Variants in ZFP90 observed in about 807,000 individuals in gnomAD.
The protein encoded by ZFP90 is ZFP90 zinc finger protein.
Under a neutral mutation model 60.8 loss-of-function variants are expected in ZFP90, and 38 were observed. That is an observed-to-expected ratio of 0.62 (90% CI 0.48 to 0.82). The LOEUF is 0.82. Among genes scored for constraint, ZFP90 ranks in the 40% least tolerant of loss-of-function variants. The pLI, the probability that ZFP90 is intolerant of heterozygous loss-of-function variation, is 0.00. For missense variants in ZFP90, 711 were observed against 759.1 expected (o/e 0.94, Z 0.74); for synonymous variants, 287 against 264.8 (o/e 1.08, Z -0.82).
chr16:68,561,775 A>T (rs893109236), intron 4 of ZFP90, among the ~76,000 whole-genome samples: 4 of 152,222 alleles, frequency 2.6e-5, no homozygotes, highest in Non-Finnish European at 4.4e-5. Flanking sequence ...AACAATTCTT[A>T]AAAAAATTAC....
chr16:68,537,745 T>C (rs1645981), upstream of ZFP90, among the ~76,000 whole-genome samples: 116,439 of 151,922 alleles, frequency 0.77, 44,716 homozygotes, highest in East Asian at 0.82. Flanking sequence ...TTTGTATTTT[T>C]TGTAGAGACA....
In ZFP90 at chr16:68,566,510, A is replaced by G. The variant is rs2091530383; in HGVS notation, c.*1812A>G. 2 of 985,444 alleles carry G rather than the reference A, an allele frequency of 2.0e-6. No individual in the cohort carries two copies. Among genetic ancestry groups the G allele is most frequent in the South Asian group, 4.7e-5 (1 of 21,290 alleles). The allele number at this position is 985,444 out of a possible 1,614,324, so 61.0% of individuals were successfully genotyped here. ...AGTATTCTTCATTCTTTGCAGGGAA[A>G]AAATTGTGCATGGGGGCTGAAATGT... On this transcript the variant is annotated 3_prime_UTR_variant, in exon 5 of 5. Transcript: ENST00000563169.
Position 68,558,501 on chromosome 16 carries a change from C to A in ZFP90, c.189C>A (p.Ile63=). 6.2e-7 allele frequency: 1 copy of A among 1,613,916 alleles called. No individual in the cohort carries two copies. The highest frequency in any genetic ancestry group is 8.5e-7 in the Non-Finnish European group (1 of 1,180,010). The part of the protein sequence containing the change: ...LGYQVSKPEV[I]FKLEQGEEPW... The stretch of plus-strand genomic sequence containing the variant: ...ATCAAGTTTCCAAGCCAGAGGTGAT[C>A]TTCAAATTGGAGCAAGGAGAAGAGC... Residue 63 remains isoleucine (I), a synonymous_variant, in exon 4 of 5, where the codon ATC becomes ATA. Coordinates refer to ENST00000563169, the MANE Select transcript of ZFP90 (RefSeq NM_001305203.2).
chr16:68,550,607 T>G (rs2091244123), intron 2 of ZFP90, among the ~76,000 whole-genome samples: 1 of 152,238 alleles, frequency 6.6e-6, no homozygotes, highest in Non-Finnish European at 1.5e-5. Context: ...ATTGCAAGTG[T>G]GACTTTTAAG....
intron 2 of ZFP90, among the ~76,000 whole-genome samples, chr16:68,550,919 C>G (rs2091248662): frequency 6.6e-6 from 1 of 152,178 alleles, no homozygotes; most frequent in South Asian, 2.1e-4. Context: ...GGTTTCCAGT[C>G]TTCAATACTG....
chr16:68,547,030 TA>T (rs1185892117), intron 2 of ZFP90, among the ~76,000 whole-genome samples: 1 of 152,244 alleles, frequency 6.6e-6, no homozygotes. Flanking sequence ...CTATTGTGAA[TA>T]ATGCTGCTAT....
Position 68,553,925 on chromosome 16 carries a change from GTC to G in ZFP90, c.34-4071_34-4070del, listed in dbSNP as rs930015207. Among the ~76,000 whole-genome samples the G allele has an allele frequency of 6.6e-5, 10 of 152,142 alleles. 1 individual carries two copies. Among genetic ancestry groups the G allele is most frequent in the African/African-American group, 2.4e-4 (10 of 41,430 alleles). On this transcript the variant is annotated intron_variant, in intron 2 of 4. Transcript: ENST00000563169. ...CAGGTGTGAGCCACCATGCCCAGCA[GTC>G]TGGCAGATTTTAACAAGATCTCTCT...
At chr16:68,568,827 C>T (rs1387206393), downstream of ZFP90, among the ~76,000 whole-genome samples, 1 of 152,040 alleles carries the variant, frequency 6.6e-6, no homozygotes, top group African/African-American at 2.4e-5. Context: ...CACAGGTGTG[C>T]ACCACCACAC....
chr16:68,553,619 T>C (rs2091295210), intron 2 of ZFP90, among the ~76,000 whole-genome samples: 1 of 151,920 alleles, frequency 6.6e-6, no homozygotes, highest in Non-Finnish European at 1.5e-5. Flanking sequence ...AGATTTTTGT[T>C]TTGTTTTGTT....
At chr16:68,555,761 A>G (rs2091333258) in intron 2 of ZFP90, among the ~76,000 whole-genome samples, 1 of 152,164 alleles carries the variant, frequency 6.6e-6, no homozygotes, top group Non-Finnish European at 1.5e-5. Context: ...TTCACTGGAG[A>G]TCTGCTAACT....
chr16:68,574,439 C>A (rs367726684), intron 2 of ZFP90, among the ~76,000 whole-genome samples: 1 of 149,698 alleles, frequency 6.7e-6, no homozygotes, highest in Non-Finnish European at 1.5e-5. Context: ...TAACAGTGGT[C>A]GAGGTAATTA....
chr16:68,565,669 G>C lies in ZFP90; in HGVS notation c.*971G>C, dbSNP rs551977977. On this transcript the variant is annotated 3_prime_UTR_variant, in exon 5 of 5. Coordinates refer to ENST00000563169, the MANE Select transcript of ZFP90 (RefSeq NM_001305203.2). ...GCACTTTCTTAAGCCTACAGTATCA[G>C]ATCAATGGGAAAACAACAGAAAACT... 3.8e-5 allele frequency: 37 copies of C among 985,498 alleles called. 1 individual carries two copies. In the East Asian group the frequency reaches 1.5e-3, roughly 39 times the overall value. 61.0% of individuals were successfully genotyped at this position (985,498 alleles called of 1,614,324 possible).
chr16:68,537,833 G>T (rs1349603891), upstream of ZFP90, among the ~76,000 whole-genome samples: 4 of 152,032 alleles, frequency 2.6e-5, no homozygotes, highest in Admixed American at 6.6e-5. Context: ...CTATTGACGT[G>T]TTATTTCATT....
chr16:68,546,758 C>G (rs1382524328), intron 2 of ZFP90, among the ~76,000 whole-genome samples: 1 of 152,206 alleles, frequency 6.6e-6, no homozygotes, highest in African/African-American at 2.4e-5. Context: ...GTGATCTGCC[C>G]ACCTCAGCCT....
chr16:68,550,924 A>G (rs1003947646), intron 2 of ZFP90, among the ~76,000 whole-genome samples: 8 of 152,226 alleles, frequency 5.3e-5, no homozygotes, highest in Admixed American at 1.3e-4. Flanking sequence ...CCAGTCTTCA[A>G]TACTGCAGAT....
At chr16:68,549,109 C>G (rs2091208581) in intron 2 of ZFP90, among the ~76,000 whole-genome samples, 1 of 152,154 alleles carries the variant, frequency 6.6e-6, no homozygotes, top group African/African-American at 2.4e-5. Flanking sequence ...TGCTTCAGAA[C>G]CAGTCAGGAA....
chr16:68,539,922 C>A, intron 2 of ZFP90, 97 bp downstream of exon 2: 1 of 1,486,220 alleles, frequency 6.7e-7, no homozygotes, highest in South Asian at 1.2e-5. Flanking sequence ...TGCCTGGCGA[C>A]TCCCTTACTT....
chr16:68,564,080 C>G lies in ZFP90; in HGVS notation c.1293C>G (p.Phe431Leu), dbSNP rs760762777. 82 of 1,614,108 alleles carry G rather than the reference C, an allele frequency of 5.1e-5. No individual in the cohort carries two copies. The highest frequency in any genetic ancestry group is 6.9e-5 in the Non-Finnish European group (82 of 1,180,012). The change falls in exon 5 of 5, where the codon TTC (phenylalanine) becomes TTG (leucine). Residue 431 changes from phenylalanine to leucine, a missense_variant. Around this residue, in one of 5 missense-constraint regions of ZFP90, gnomAD observed 295 missense variants for 274.0 expected, o/e 1.08. Coordinates refer to ENST00000563169, the MANE Select transcript of ZFP90 (RefSeq NM_001305203.2). Reference protein sequence around the residue: ...PYQSSNYSIDFKHSTSLTQDE... With the variant: ...PYQSSNYSIDLKHSTSLTQDE... ...AAAGCAGTAACTACAGCATAGATTT[C>G]AAGCACAGCACATCTCTCACTCAAG...
Position 68,565,012 on chromosome 16 carries a change from A to G in ZFP90, c.*314A>G, listed in dbSNP as rs2091503157. On this transcript the variant is annotated 3_prime_UTR_variant, in exon 5 of 5. Transcript: ENST00000563169. The stretch of plus-strand genomic sequence containing the variant: ...TTCAACATCTTGACTTGTGACCCCC[A>G]ATGTCAACAGCTTTTTTAAAAAGCA... The G allele has an allele frequency of 9.5e-7, 1 of 1,055,396 alleles. No homozygotes were observed. Among genetic ancestry groups the G allele is most frequent in the African/African-American group, 1.7e-5 (1 of 59,814 alleles). 65.4% of individuals were successfully genotyped at this position (1,055,396 alleles called of 1,614,324 possible).
Sources: gnomAD v4.1 joint callset for allele counts (sites outside exome capture counted in the v4.1 genomes callset) on GRCh38, gnomAD v4.1.1 for gene constraint, gnomAD v4.1.1 regional missense constraint, MANE v1.5 for transcripts, NCBI Gene and HGNC (gene_info 2026-07-23, HGNC 2026-07-21) for gene names.